The following OPHN1 variants were observed in gnomAD, a reference collection of about 807,000 sequenced individuals.
OPHN1 encodes oligophrenin 1, also known as oligophrenin-1.
OPHN1 carries 11 observed loss-of-function variants against 60.7 expected under a neutral mutation model. The ratio of observed to expected loss-of-function variants is 0.18; its 90% CI spans 0.11 to 0.30. The LOEUF is 0.30. Ranked by LOEUF, OPHN1 falls within the 10% of genes least tolerant of loss-of-function variation. The pLI, the probability that OPHN1 is intolerant of heterozygous loss-of-function variation, is 1.00. For missense variants in OPHN1, 449 were observed against 611.0 expected (o/e 0.73, Z 2.80); for synonymous variants, 226 against 222.6 (o/e 1.02, Z -0.14).
At chrX:68,231,852 T>G (rs1423743209) in intron 6 of OPHN1, among the ~76,000 whole-genome samples, 1 of 111,603 alleles carries the variant, frequency 9.0e-6, no homozygotes, top group African/African-American at 3.3e-5. Flanking sequence ...CTGTACAATA[T>G]GGTAATGCTG....
intron 5 of OPHN1, among the ~76,000 whole-genome samples, chrX:68,244,107 C>T (rs2077794274): frequency 8.9e-6 from 1 of 112,467 alleles, no homozygotes; most frequent in Non-Finnish European, 1.9e-5. Context: ...ACTTCAGACA[C>T]AATGGCCTTC....
chrX:68,160,595 T>C (rs1051269706), intron 15 of OPHN1, among the ~76,000 whole-genome samples: 1 of 111,568 alleles, frequency 9.0e-6, no homozygotes, highest in Non-Finnish European at 1.9e-5. Context: ...TCTGAGCACA[T>C]GGAATAAATT....
intron 15 of OPHN1, among the ~76,000 whole-genome samples, chrX:68,132,499 T>C (rs757854283): frequency 1.1e-5 from 1 of 87,910 alleles, no homozygotes; most frequent in East Asian, 3.8e-4. Flanking sequence ...AATTGAACAA[T>C]GAGATCACAT....
At chrX:68,193,224 G>C (rs941551818) in intron 14 of OPHN1, among the ~76,000 whole-genome samples, 1 of 112,063 alleles carries the variant, frequency 8.9e-6, no homozygotes, top group Non-Finnish European at 1.9e-5. Flanking sequence ...AAACTCTATA[G>C]TAAATAGAAG....
At chrX:68,143,160 C>G (rs2077250334) in intron 15 of OPHN1, among the ~76,000 whole-genome samples, 1 of 111,664 alleles carries the variant, frequency 9.0e-6, no homozygotes, top group African/African-American at 3.3e-5. Flanking sequence ...TGCCCCATCT[C>G]TGACAAGTAA....
At chrX:68,256,619 A>G in intron 5 of OPHN1, among the ~76,000 whole-genome samples, 1 of 111,993 alleles carries the variant, frequency 8.9e-6, no homozygotes, top group Middle Eastern at 4.6e-3. Context: ...GCATGGATCA[A>G]GTGTACCAGC....
chrX:68,280,449 C>G (rs2147602259), intron 4 of OPHN1, among the ~76,000 whole-genome samples: 1 of 111,396 alleles, frequency 9.0e-6, no homozygotes, highest in South Asian at 3.8e-4. Context: ...TCTCTAATTC[C>G]CCTACCTCCA....
Position 68,053,879 on chromosome X carries a change from C to T in OPHN1, c.2159-69G>A. On this transcript the variant is annotated intron_variant, in intron 21 of 24. Transcript: ENST00000355520. ...CAGAACACTACTCATGAGCAGGCAC[C>T]CAATATGAGAGTTACCTGGGCCAAC... is the stretch of plus-strand genomic sequence containing the variant. 6 of 1,114,858 alleles carry T rather than the reference C, an allele frequency of 5.4e-6. No homozygotes were observed. In the South Asian group the frequency reaches 9.6e-5, roughly 18 times the overall value. 91.9% of individuals were successfully genotyped at this position (1,114,858 alleles called of 1,213,427 possible).
chrX:68,198,121 T>C (rs925992409), intron 11 of OPHN1, among the ~76,000 whole-genome samples: 12 of 111,836 alleles, frequency 1.1e-4, no homozygotes, highest in Middle Eastern at 4.6e-3. Context: ...GTGGTCTGAA[T>C]ATTCCCCAAA....
Position 68,193,009 on chromosome X carries a change from A to T in OPHN1, c.1202-16T>A. 1 of 1,175,913 alleles carries T rather than the reference A, an allele frequency of 8.5e-7. No individual in the cohort carries two copies. Among genetic ancestry groups the T allele is most frequent in the Non-Finnish European group, 1.2e-6 (1 of 862,974 alleles). ...GTCTTGATCCCTAGTGGAGGAAAAAATCAGGTTAATTTCACTTGTATAGCT... is the reference window on the plus strand; with the variant it reads ...GTCTTGATCCCTAGTGGAGGAAAAATTCAGGTTAATTTCACTTGTATAGCT... On this transcript the variant is annotated splice_polypyrimidine_tract_variant and intron_variant, in intron 14 of 24. Transcript: ENST00000355520.
chrX:68,388,623 T>C (rs1178465268), intron 2 of OPHN1, among the ~76,000 whole-genome samples: 4 of 110,992 alleles, frequency 3.6e-5, no homozygotes, highest in Non-Finnish European at 7.5e-5. Context: ...TGAGGCAATT[T>C]TATAGTATAA....
chrX:68,410,445 C>G (rs142399551), intron 2 of OPHN1, among the ~76,000 whole-genome samples: 5,192 of 110,178 alleles, frequency 0.047, 112 homozygotes, highest in Middle Eastern at 0.074. Context: ...GCCTGTAATC[C>G]CAGCTACTCA....
intron 21 of OPHN1, among the ~76,000 whole-genome samples, chrX:68,061,825 A>T (rs2076894201): frequency 9.0e-6 from 1 of 111,168 alleles, no homozygotes; most frequent in Admixed American, 9.6e-5. Flanking sequence ...TGGAAATTGT[A>T]CTGGACTTGT....
chrX:68,256,845 A>T (rs2077866270), intron 5 of OPHN1, among the ~76,000 whole-genome samples: 1 of 110,775 alleles, frequency 9.0e-6, no homozygotes, highest in East Asian at 2.8e-4. Context: ...CAGCCTGGCC[A>T]ACATGGTGAA....
At chrX:68,105,663 G>C (rs111715078) in intron 18 of OPHN1, among the ~76,000 whole-genome samples, 1 of 105,956 alleles carries the variant, frequency 9.4e-6, no homozygotes, top group Non-Finnish European at 1.9e-5. Flanking sequence ...GTCGGGGGGT[G>C]GGGGGCTAGG....
chrX:68,237,747 T>C (rs983868117), intron 5 of OPHN1, among the ~76,000 whole-genome samples: 1 of 111,626 alleles, frequency 9.0e-6, no homozygotes. Flanking sequence ...AACTCCTTCA[T>C]TAGTTCTGTG....
intron 19 of OPHN1, among the ~76,000 whole-genome samples, chrX:68,079,889 A>AAGT (rs958129107): frequency 3.6e-5 from 4 of 111,557 alleles, no homozygotes; most frequent in African/African-American, 9.8e-5. Context: ...TTTAGTCACC[A>AAGT]AGTTCTATCA....
At chrX:68,296,509 T>C (rs1022779401) in intron 3 of OPHN1, among the ~76,000 whole-genome samples, 3 of 109,027 alleles carry the variant, frequency 2.8e-5, no homozygotes, top group Non-Finnish European at 5.7e-5. Flanking sequence ...AATACAAAAA[T>C]TAGCCAGGCA....
intron 2 of OPHN1, among the ~76,000 whole-genome samples, chrX:68,362,456 T>G (rs2078477830): frequency 8.9e-6 from 1 of 112,068 alleles, no homozygotes; most frequent in Non-Finnish European, 1.9e-5. Context: ...AAGCATGTGA[T>G]TATAGATAAT....
Sources: allele counts gnomAD v4.1 joint callset (sites outside exome capture counted in the v4.1 genomes callset), GRCh38; gene constraint gnomAD v4.1.1; transcripts MANE v1.5; gene names NCBI Gene and HGNC (gene_info 2026-07-23, HGNC 2026-07-21).